Variants in MCPH1 observed in about 807,000 individuals in gnomAD.
The protein encoded by MCPH1 is microcephalin.
Under a neutral mutation model 84.5 loss-of-function variants are expected in MCPH1, and 104 were observed. The observed-to-expected ratio is 1.23, with a 90% CI of 1.05 to 1.45. MCPH1 has a LOEUF of 1.45. Ranked by LOEUF, MCPH1 falls within the 40% of genes most tolerant of loss-of-function variation. The pLI, the probability that MCPH1 is intolerant of heterozygous loss-of-function variation, is 0.00. For synonymous variants in MCPH1, 514 were observed against 366.8 expected (o/e 1.40, Z -4.58); for missense variants, 1,498 against 1,005.7 (o/e 1.49, Z -6.62).
chr8:6,423,924 T>C (rs761673732), intron 3 of MCPH1, among the ~76,000 whole-genome samples: 6 of 152,232 alleles, frequency 3.9e-5, no homozygotes, highest in Non-Finnish European at 7.3e-5. Context: ...CTCTGACTTT[T>C]AGTGAGCTTG....
At chr8:6,553,106 A>C (rs1332012216) in intron 12 of MCPH1, among the ~76,000 whole-genome samples, 1 of 152,074 alleles carries the variant, frequency 6.6e-6, no homozygotes, top group African/African-American at 2.4e-5. Flanking sequence ...TCTGGGTGAT[A>C]ATGATGGGTC....
chr8:6,440,405 T>C (rs1055631075), intron 6 of MCPH1, among the ~76,000 whole-genome samples: 13 of 152,240 alleles, frequency 8.5e-5, no homozygotes, highest in African/African-American at 3.1e-4. Context: ...GAATTTGATT[T>C]TTTAAAGACA....
chr8:6,613,817 C>T (rs569670511), intron 12 of MCPH1, among the ~76,000 whole-genome samples: 7 of 152,150 alleles, frequency 4.6e-5, no homozygotes, highest in East Asian at 3.9e-4. Context: ...GGGAACAGGA[C>T]GCTTTGAGGT....
chr8:6,595,101 G>C (rs1000953524), intron 12 of MCPH1, among the ~76,000 whole-genome samples: 2 of 152,140 alleles, frequency 1.3e-5, no homozygotes, highest in African/African-American at 4.8e-5. Flanking sequence ...CTTTGTCTTT[G>C]GGAACCTCGC....
chr8:6,576,015 T>C (rs1827051875), intron 12 of MCPH1, among the ~76,000 whole-genome samples: 1 of 149,486 alleles, frequency 6.7e-6, no homozygotes, highest in South Asian at 2.1e-4. Context: ...TGTGGTACTT[T>C]GTTACAACAA....
At chr8:6,467,077 G>C (rs536467137) in intron 9 of MCPH1, among the ~76,000 whole-genome samples, 10 of 152,288 alleles carry the variant, frequency 6.6e-5, no homozygotes, top group South Asian at 2.1e-4. Flanking sequence ...CTGCAATTCA[G>C]AATTAATGAG....
chr8:6,408,332 A>G (rs568817885), intron 1 of MCPH1, among the ~76,000 whole-genome samples: 3 of 151,208 alleles, frequency 2.0e-5, no homozygotes, highest in Admixed American at 2.0e-4. Flanking sequence ...CAGCCTCCTG[A>G]GTAACTTGGG....
chr8:6,634,010 G>C (rs1487270178), intron 13 of MCPH1, among the ~76,000 whole-genome samples: 1 of 152,178 alleles, frequency 6.6e-6, no homozygotes, highest in Non-Finnish European at 1.5e-5. Context: ...CACCATACAT[G>C]ACCTGAAGAA....
intron 13 of MCPH1, among the ~76,000 whole-genome samples, chr8:6,627,943 T>A (rs1563213508): frequency 1.3e-5 from 2 of 151,738 alleles, no homozygotes; most frequent in Non-Finnish European, 2.9e-5. Context: ...TAGTGGGTTT[T>A]AAAAAAAATT....
Position 6,538,983 on chromosome 8 carries a change from A to G in MCPH1, c.2214+39054A>G, listed in dbSNP as rs184987023. Among the ~76,000 whole-genome samples, 113 of 152,266 alleles carry G rather than the reference A, an allele frequency of 7.4e-4. No individual in the cohort carries two copies. In the South Asian group the frequency reaches 0.016, roughly 21 times the overall value. ...ACATCATTTGAGGTCTCCAGACAGA[A>G]AAGTGGCAAAACTGGGCTCTCCTCC... On this transcript the variant is annotated intron_variant, in intron 12 of 13. Transcript: ENST00000344683.
chr8:6,414,955 G>A, intron 3 of MCPH1, 72 bp downstream of exon 3: 12 of 1,515,902 alleles, frequency 7.9e-6, no homozygotes, highest in Non-Finnish European at 7.3e-6. Flanking sequence ...ATTTTTCACA[G>A]ATCGCAGAAC....
intron 12 of MCPH1, among the ~76,000 whole-genome samples, chr8:6,526,144 G>C (rs1181115799): frequency 6.6e-6 from 1 of 151,736 alleles, no homozygotes; most frequent in East Asian, 1.9e-4. Flanking sequence ...ACGACGCCAG[G>C]TACGGTGGCT....
chr8:6,517,316 CT>C (rs1368356136), intron 12 of MCPH1, among the ~76,000 whole-genome samples: 1 of 152,304 alleles, frequency 6.6e-6, no homozygotes, highest in African/African-American at 2.4e-5. Context: ...ACTTGACTTG[CT>C]TCAACTCTGA....
At chr8:6,597,831 C>G (rs1243161248) in intron 12 of MCPH1, among the ~76,000 whole-genome samples, 2 of 152,192 alleles carry the variant, frequency 1.3e-5, no homozygotes, top group Non-Finnish European at 2.9e-5. Flanking sequence ...TTGGTCCTCT[C>G]CCTCATAAGC....
intron 12 of MCPH1, among the ~76,000 whole-genome samples, chr8:6,535,040 C>G (rs1359989377): frequency 1.3e-5 from 2 of 152,184 alleles, no homozygotes; most frequent in Non-Finnish European, 2.9e-5. Flanking sequence ...AGGCTTGGAA[C>G]TATAGAGATA....
intron 8 of MCPH1, chr8:6,446,274 A>G (rs1476573039): frequency 1.0e-6 from 1 of 985,000 alleles, no homozygotes; most frequent in Non-Finnish European, 1.2e-6. Context: ...CAGCAACCAA[A>G]ATTGAAGAAA....
At chr8:6,467,874 A>G (rs1247827316) in intron 9 of MCPH1, among the ~76,000 whole-genome samples, 2 of 152,180 alleles carry the variant, frequency 1.3e-5, no homozygotes, top group Non-Finnish European at 2.9e-5. Flanking sequence ...CTGGGATTAT[A>G]GGCATGAACC....
At chr8:6,474,161 T>C in intron 9 of MCPH1, 1 of 747,772 alleles carries the variant, frequency 1.3e-6, no homozygotes, top group Non-Finnish European at 2.5e-6. Flanking sequence ...TCTCATTTGG[T>C]TATCTAACTC....
At position 6,550,338 on chromosome 8, in the gene MCPH1, G is replaced by C. The variant is rs149639098; in HGVS notation, c.2214+50409G>C. Among the ~76,000 whole-genome samples, 13 of 152,332 alleles carry C rather than the reference G, an allele frequency of 8.5e-5. No homozygotes were observed. In the East Asian group the frequency reaches 2.1e-3, roughly 25 times the overall value. On this transcript the variant is annotated intron_variant, in intron 12 of 13. Coordinates refer to ENST00000344683, the MANE Select transcript of MCPH1 (RefSeq NM_024596.5). ...GTGTGTGGGTCCTGGGAGTGAGGCA[G>C]TGTGGCGTGGGGCTGTTGCACACAC...
Sources: allele counts gnomAD v4.1 joint callset (sites outside exome capture counted in the v4.1 genomes callset), GRCh38; gene constraint gnomAD v4.1.1; transcripts MANE v1.5; gene names NCBI Gene and HGNC (gene_info 2026-07-23, HGNC 2026-07-21).